The following KNTC1 variants were observed in gnomAD, a reference collection of about 807,000 sequenced individuals.
KNTC1 encodes the protein kinetochore associated 1.
In KNTC1, 253 loss-of-function variants were observed where a neutral mutation model predicts 314.4. The ratio of observed to expected loss-of-function variants is 0.80; its 90% CI spans 0.73 to 0.89. KNTC1 has a LOEUF of 0.89. Ranked by LOEUF, KNTC1 falls within the 40% of genes least tolerant of loss-of-function variation. The pLI is 0.00. For missense variants in KNTC1, 2,475 were observed against 2,572.9 expected, an observed-to-expected ratio of 0.96 and a Z score of 0.82; for synonymous variants, 901 against 901.4, an observed-to-expected ratio of 1.00 and a Z score of 0.01.
intron 13 of KNTC1, 68 bp from the exon 14 acceptor site, chr12:122,551,248 AGTT>A: frequency 1.0e-6 from 1 of 979,684 alleles, no homozygotes; most frequent in South Asian, 1.5e-5. Flanking sequence ...CTGAACCAGT[AGTT>A]ACTCTAGTAA....
At chr12:122,542,694 G>A (rs1962434851) in intron 6 of KNTC1, among the ~76,000 whole-genome samples, 1 of 152,076 alleles carries the variant, frequency 6.6e-6, no homozygotes, top group South Asian at 2.1e-4. Context: ...GAACCCAGGA[G>A]GCAGAGGTGC....
Position 122,591,391 on chromosome 12 carries a change from G to T in KNTC1, c.4183G>T (p.Gly1395Trp). Reference protein sequence around the residue: ...LASLYQEIEMGLKFRELSTDA... With the variant: ...LASLYQEIEMWLKFRELSTDA... ...AAGTCTCTATCAGGAAATAGAAATGGGGCTTAAGTTCCGTGAACTCAGTAC... is the reference window on the plus strand; with the variant it reads ...AAGTCTCTATCAGGAAATAGAAATGTGGCTTAAGTTCCGTGAACTCAGTAC... Residue 1395 changes from glycine to tryptophan, a missense_variant, in exon 42 of 64, where the codon GGG (glycine) becomes TGG (tryptophan). Gly to Trp is a radical substitution (Grantham distance 184). Coordinates refer to ENST00000333479, the MANE Select transcript of KNTC1 (RefSeq NM_014708.6). The T allele has an allele frequency of 1.2e-6, 2 of 1,612,212 alleles. No homozygotes were observed. The highest frequency in any genetic ancestry group is 1.7e-6 in the Non-Finnish European group (2 of 1,178,804).
chr12:122,622,017 A>G (rs1351481215), intron 61 of KNTC1, 47 bp downstream of exon 61: 1 of 1,290,422 alleles, frequency 7.7e-7, no homozygotes, highest in Non-Finnish European at 1.1e-6. Flanking sequence ...TGTTGATACT[A>G]GAAGGTAGTC....
intron 1 of KNTC1, 71 bp from the exon 2 acceptor site, chr12:122,529,920 T>C (rs190125012): frequency 3.8e-6 from 3 of 780,492 alleles, no homozygotes; most frequent in East Asian, 2.9e-5. Flanking sequence ...TATATGTTAA[T>C]GTTAGACTTT....
intron 30 of KNTC1, 103 bp downstream of exon 30, chr12:122,577,132 C>A: frequency 1.2e-6 from 1 of 837,394 alleles, no homozygotes; most frequent in Non-Finnish European, 1.7e-6. Flanking sequence ...GGCTGGAGTG[C>A]AGTGGCTGTG....
At chr12:122,613,270 C>A in intron 54 of KNTC1, 40 bp downstream of exon 54, 1 of 1,334,112 alleles carries the variant, frequency 7.5e-7, no homozygotes, top group Non-Finnish European at 1.1e-6. Flanking sequence ...AAATAGGAAA[C>A]AGATCATTTT....
intron 63 of KNTC1, among the ~76,000 whole-genome samples, chr12:122,625,880 CG>C (rs1367974397): frequency 6.6e-6 from 1 of 152,070 alleles, no homozygotes; most frequent in Admixed American, 6.6e-5. Flanking sequence ...ACCTAAGTAT[CG>C]TGGCTTTTTT....
At position 122,530,696 on chromosome 12, in the gene KNTC1, C is replaced by T. The variant is rs1434242292; in HGVS notation, c.129+504C>T. 2.0e-5 allele frequency among the ~76,000 whole-genome samples: 3 copies of T among 152,140 alleles called. No individual in the cohort carries two copies. The East Asian group carries it at 5.8e-4, about 29-fold the overall frequency. ...GAACTCCTGGCCTCAAGAAATCCAC[C>T]CACCTCAGCCTCCCAAAGTGCTGGG... On this transcript the variant is annotated intron_variant, in intron 2 of 63. Transcript: ENST00000333479.
Position 122,579,906 on chromosome 12 carries a change from G to A in KNTC1, c.2843G>A (p.Gly948Asp), listed in dbSNP as rs972400567. The part of the protein sequence containing the change: ...LQEEPDHSKE[G>D]KAWRMSVAKT... ...TTCGCTTTATTTATTTATTTTTAGG[G>A]CAAGGCCTGGAGAATGTCTGTAGCG... The change falls in exon 32 of 64, where the codon GGC (glycine) becomes GAC (aspartate). Residue 948 changes from glycine to aspartate, a missense_variant and splice_region_variant. Physicochemically the swap from Gly to Asp is moderately conservative, Grantham distance 94. Transcript: ENST00000333479. The A allele has an allele frequency of 1.1e-5, 18 of 1,603,004 alleles. No homozygotes were observed. Among genetic ancestry groups the A allele is most frequent in the Non-Finnish European group, 1.5e-5 (17 of 1,170,844 alleles).
At chr12:122,542,558 G>T (rs1384466047) in intron 6 of KNTC1, among the ~76,000 whole-genome samples, 1 of 152,182 alleles carries the variant, frequency 6.6e-6, no homozygotes, top group Non-Finnish European at 1.5e-5. Flanking sequence ...CTGAGGTTGG[G>T]AGTGCAAGAC....
At chr12:122,569,561 A>T in intron 21 of KNTC1, 120 bp from the exon 22 acceptor site, 2 of 783,360 alleles carry the variant, frequency 2.6e-6, no homozygotes, top group Admixed American at 5.5e-5. Flanking sequence ...CTCCTTTAGC[A>T]CTCATTATTA....
At chr12:122,567,395 A>C (rs1436508810) in intron 20 of KNTC1, among the ~76,000 whole-genome samples, 1 of 152,132 alleles carries the variant, frequency 6.6e-6, no homozygotes, top group East Asian at 1.9e-4. Context: ...TTAACCAGCT[A>C]CCTTAATGAA....
intron 40 of KNTC1, 72 bp downstream of exon 40, chr12:122,588,888 C>A: frequency 2.2e-6 from 2 of 890,162 alleles, no homozygotes; most frequent in Non-Finnish European, 3.4e-6. Context: ...TTGCATATGA[C>A]TCAATAGTTT....
chr12:122,540,829 G>T (rs1023659000), intron 5 of KNTC1, among the ~76,000 whole-genome samples: 1 of 151,988 alleles, frequency 6.6e-6, no homozygotes, highest in Non-Finnish European at 1.5e-5. Flanking sequence ...CTAGTTCTTT[G>T]TAAATAAGTT....
At chr12:122,574,213 G>A (rs1466049119) in intron 26 of KNTC1, 69 bp from the exon 27 acceptor site, 2 of 821,292 alleles carry the variant, frequency 2.4e-6, no homozygotes, top group African/African-American at 3.5e-5. Flanking sequence ...TCTGTATCTA[G>A]CTGTATGTGG....
intron 44 of KNTC1, among the ~76,000 whole-genome samples, chr12:122,599,363 A>T (rs981138500): frequency 7.2e-4 from 108 of 149,364 alleles, no homozygotes; most frequent in Non-Finnish European, 1.0e-3. Context: ...AGGGAAAAAA[A>T]TTTTTTTTTT....
At chr12:122,564,071 A>G (rs10744275) in intron 20 of KNTC1, among the ~76,000 whole-genome samples, 119,598 of 152,146 alleles carry the variant, frequency 0.79, 47,505 homozygotes, top group African/African-American at 0.89. Flanking sequence ...TTTGCCTCTC[A>G]GTTTCAAGCA....
chr12:122,548,649 A>G (rs1962965246), intron 12 of KNTC1, among the ~76,000 whole-genome samples: 1 of 152,194 alleles, frequency 6.6e-6, no homozygotes, highest in African/African-American at 2.4e-5. Flanking sequence ...GGGGTAGAAC[A>G]TCATTTCATA....
intron 29 of KNTC1, 141 bp downstream of exon 29, chr12:122,576,040 A>G: frequency 9.3e-7 from 1 of 1,080,864 alleles, no homozygotes; most frequent in Non-Finnish European, 1.3e-6. Flanking sequence ...GATGTTAATA[A>G]GGTGTTCAGT....
Sources: gnomAD v4.1 joint callset for allele counts (sites outside exome capture counted in the v4.1 genomes callset) on GRCh38, gnomAD v4.1.1 for gene constraint, MANE v1.5 for transcripts, NCBI Gene and HGNC (gene_info 2026-07-23, HGNC 2026-07-21) for gene names.